Variants in SLC7A14 observed in about 807,000 individuals in gnomAD.
The protein encoded by SLC7A14 is gamma-aminobutyric acid transporter SLC7A14.
A neutral mutation model predicts 60.2 loss-of-function variants in SLC7A14; 37 were observed. The ratio of observed to expected loss-of-function variants is 0.61; its 90% confidence interval spans 0.47 to 0.81. SLC7A14 has a LOEUF of 0.81. SLC7A14 is among the 30% of genes least tolerant of loss of function. SLC7A14 has a pLI of 0.00. For synonymous variants in SLC7A14, 399 were observed against 395.8 expected, an observed-to-expected ratio of 1.01 and a Z score of -0.10; for missense variants, 886 against 982.7, an observed-to-expected ratio of 0.90 and a Z score of 1.32.
rs1739640196 is a variant in SLC7A14 at position 170,463,062 on chromosome 3, AC to A, written c.*3992del. ...TAAAGTTCAGCCTTCCTGGATTCAC[AC>A]TTTCGTCAGTTCCCCAATTATTTCC... On this transcript the variant is annotated 3_prime_UTR_variant, in exon 8 of 8. Transcript: ENST00000231706. The A allele has an allele frequency of 6.6e-6, 1 of 152,088 alleles. No individual in the cohort carries two copies. Among genetic ancestry groups the A allele is most frequent in the Admixed American group, 6.5e-5 (1 of 15,274 alleles). The allele number at this position is 152,088 out of a possible 1,614,324, so 9.4% of individuals were successfully genotyped here.
intron 6 of SLC7A14, among the ~76,000 whole-genome samples, chr3:170,481,698 A>G (rs1711829885): frequency 6.6e-6 from 1 of 152,070 alleles, no homozygotes; most frequent in African/African-American, 2.4e-5. Context: ...CTGTGCCTAG[A>G]CTAGTTCTTT....
intron 7 of SLC7A14, among the ~76,000 whole-genome samples, chr3:170,478,545 C>T (rs1198336242): frequency 6.6e-6 from 1 of 152,076 alleles, no homozygotes; most frequent in Non-Finnish European, 1.5e-5. Flanking sequence ...AGGAGTCAGG[C>T]CTCTGGGGAA....
intron 1 of SLC7A14, among the ~76,000 whole-genome samples, chr3:170,552,886 G>A (rs1438714036): frequency 2.0e-5 from 3 of 152,144 alleles, no homozygotes; most frequent in Non-Finnish European, 4.4e-5. Flanking sequence ...TTATCAGCTT[G>A]ATCACCTTCC....
chr3:170,498,043 T>C (rs1712465681), intron 4 of SLC7A14, among the ~76,000 whole-genome samples: 1 of 152,210 alleles, frequency 6.6e-6, no homozygotes, highest in African/African-American at 2.4e-5. Flanking sequence ...AATGCTGACA[T>C]TGGAATTAAA....
At chr3:170,494,252 AAATT>A (rs1712313165) in intron 4 of SLC7A14, among the ~76,000 whole-genome samples, 1 of 152,242 alleles carries the variant, frequency 6.6e-6, no homozygotes, top group African/African-American at 2.4e-5. Flanking sequence ...GCTGTTGTGA[AAATT>A]AAATTAAAAG....
At chr3:170,487,140 A>T (rs960070930) in intron 4 of SLC7A14, among the ~76,000 whole-genome samples, 2 of 139,996 alleles carry the variant, frequency 1.4e-5, no homozygotes, top group Admixed American at 7.9e-5. Flanking sequence ...GTCAGAGTAA[A>T]GCTGGGGGAT....
At chr3:170,549,583 G>A (rs1007922590) in intron 1 of SLC7A14, among the ~76,000 whole-genome samples, 1 of 152,168 alleles carries the variant, frequency 6.6e-6, no homozygotes, top group African/African-American at 2.4e-5. Context: ...ATAAGCCCAA[G>A]CTGAGGAAGT....
rs543838987 is a variant in SLC7A14, at chr3:170,532,339, G to A, written c.-152-5251C>T. ...CCTTCTGAGGTCTCTGCCCACTCCC[G>A]CATCCAGGTCTTGGCTAACCCTCTC... On this transcript the variant is annotated intron_variant, in intron 1 of 7. Transcript: ENST00000231706. This position sits in a 1 kb window ranked among gnomAD's most constrained non-coding sequence, Gnocchi z 4.0. 1.9e-4 allele frequency among the ~76,000 whole-genome samples: 29 copies of A among 152,224 alleles called. No individual in the cohort carries two copies. The East Asian group carries it at 3.3e-3, about 17-fold the overall frequency.
In SLC7A14 at chr3:170,501,964, G is replaced by A. The variant is rs181402897; in HGVS notation, c.305-619C>T. On this transcript the variant is annotated intron_variant, in intron 2 of 7. Coordinates refer to ENST00000231706, the MANE Select transcript of SLC7A14 (RefSeq NM_020949.3). The stretch of plus-strand genomic sequence containing the variant: ...GCACTGGGTATAAAAAAGACAAATG[G>A]CATATGCCCCTGCCCTTAAGGGGAG... Among the ~76,000 whole-genome samples the A allele has an allele frequency of 2.2e-3, 330 of 152,342 alleles. 1 individual carries two copies. The highest frequency in any genetic ancestry group is 7.6e-3 in the African/African-American group (316 of 41,570).
intron 2 of SLC7A14, among the ~76,000 whole-genome samples, chr3:170,525,059 G>C (rs77577216): frequency 0.013 from 2,040 of 152,284 alleles, 60 homozygotes; most frequent in African/African-American, 0.047. Context: ...ATGATAGCAC[G>C]CATTGGTACA....
chr3:170,497,658 C>T (rs188115055), intron 4 of SLC7A14, among the ~76,000 whole-genome samples: 14 of 152,308 alleles, frequency 9.2e-5, no homozygotes, highest in Admixed American at 9.1e-4. Context: ...TCCCTGACAG[C>T]TCAAAATTCT....
intron 1 of SLC7A14, among the ~76,000 whole-genome samples, chr3:170,563,417 GTTT>G (rs67991294): frequency 3.8e-4 from 42 of 111,908 alleles, no homozygotes; most frequent in Middle Eastern, 4.8e-3. Context: ...TTGTTTGTTT[GTTT>G]TTTTTTTTTT....
intron 2 of SLC7A14, among the ~76,000 whole-genome samples, chr3:170,506,456 C>T (rs1173266754): frequency 2.0e-5 from 3 of 152,098 alleles, no homozygotes; most frequent in Admixed American, 6.5e-5. Context: ...GACAAGGTAC[C>T]GGGAGATTCT....
chr3:170,512,254 A>G (rs1241072578), intron 2 of SLC7A14, among the ~76,000 whole-genome samples: 3 of 152,176 alleles, frequency 2.0e-5, no homozygotes, highest in African/African-American at 7.2e-5. Context: ...TGGCCTCCCC[A>G]GCCCAGATGA....
chr3:170,483,231 C>G, intron 6 of SLC7A14, 83 bp downstream of exon 6: 1 of 1,497,100 alleles, frequency 6.7e-7, no homozygotes, highest in South Asian at 1.2e-5. Flanking sequence ...ATGTCAAAAT[C>G]ACAGTCAGTC....
intron 4 of SLC7A14, among the ~76,000 whole-genome samples, chr3:170,491,756 T>C (rs1223870773): frequency 1.3e-5 from 2 of 152,098 alleles, no homozygotes; most frequent in Non-Finnish European, 2.9e-5. Flanking sequence ...GGCCTTGCTT[T>C]CTTCTCGCCT....
chr3:170,573,695 A>T (rs1385655541), intron 1 of SLC7A14, among the ~76,000 whole-genome samples: 1 of 152,246 alleles, frequency 6.6e-6, no homozygotes, highest in African/African-American at 2.4e-5. Context: ...CGAAACAGAG[A>T]GAACAAGACC....
chr3:170,543,688 T>G (rs148378519), intron 1 of SLC7A14, among the ~76,000 whole-genome samples: 1 of 150,786 alleles, frequency 6.6e-6, no homozygotes, highest in Non-Finnish European at 1.5e-5. Context: ...CCACAGTCTC[T>G]CCAGGACCAA....
chr3:170,480,980 C>T lies in SLC7A14; in HGVS notation c.1302G>A (p.Glu434=). 1.2e-6 allele frequency: 2 copies of T among 1,614,032 alleles called. No homozygotes were observed. Among genetic ancestry groups the T allele is most frequent in the Non-Finnish European group, 8.5e-7 (1 of 1,180,018 alleles). ...VCVLLLRYQP[E]SDIDGFVKFL... ...ACTTGACAAAACCATCAATGTCACT[C>T]TCAGGTTGGTATCGAAGGAGCAAGA... Residue 434 remains glutamate (E), a synonymous_variant, in exon 7 of 8, where the codon GAG becomes GAA. Transcript: ENST00000231706.
Sources: allele counts gnomAD v4.1 joint callset (sites outside exome capture counted in the v4.1 genomes callset), GRCh38; gene constraint gnomAD v4.1.1; non-coding constraint Gnocchi (gnomAD v3.1); transcripts MANE v1.5; gene names NCBI Gene and HGNC (gene_info 2026-07-23, HGNC 2026-07-21).